Variants in DOCK1 observed in about 807,000 individuals in gnomAD.
DOCK1 encodes dedicator of cytokinesis 1, also known as dedicator of cytokinesis protein 1.
Under a neutral mutation model 262.7 loss-of-function variants are expected in DOCK1, and 138 were observed. The observed-to-expected ratio is 0.53, with a 90% CI of 0.46 to 0.61. DOCK1 has a LOEUF of 0.61. DOCK1 is among the 20% of genes least tolerant of loss of function. The probability of loss-of-function intolerance (pLI) is 0.00; values close to 1 mark genes in which losing one functional copy is unlikely to be tolerated. For synonymous variants in DOCK1, 866 were observed against 867.4 expected (o/e 1.00, Z 0.03); for missense variants, 1,908 against 2,370.7 (o/e 0.80, Z 4.05).
chr10:126,919,291 T>C (rs2032925289), intron 1 of DOCK1, among the ~76,000 whole-genome samples: 1 of 152,244 alleles, frequency 6.6e-6, no homozygotes, highest in Non-Finnish European at 1.5e-5. Context: ...TTCTTTAACA[T>C]AATTGACTTC....
At chr10:127,358,463 C>G (rs756326819) in intron 32 of DOCK1, among the ~76,000 whole-genome samples, 1 of 152,194 alleles carries the variant, frequency 6.6e-6, no homozygotes, top group African/African-American at 2.4e-5. Flanking sequence ...TCAAAGCGCA[C>G]TCTGTGCAGC....
chr10:127,432,328 C>A (rs1372445697), intron 47 of DOCK1, among the ~76,000 whole-genome samples: 1 of 151,846 alleles, frequency 6.6e-6, no homozygotes, highest in African/African-American at 2.4e-5. Flanking sequence ...TTATATTAAT[C>A]TTACCTGTAA....
chr10:127,048,367 G>T (rs566728444), intron 21 of DOCK1, among the ~76,000 whole-genome samples: 2 of 151,816 alleles, frequency 1.3e-5, no homozygotes, highest in East Asian at 3.9e-4. Flanking sequence ...GATGTTTATG[G>T]TATGTGTGTG....
At chr10:127,219,136 G>A (rs2058327809) in intron 27 of DOCK1, among the ~76,000 whole-genome samples, 1 of 152,090 alleles carries the variant, frequency 6.6e-6, no homozygotes, top group Non-Finnish European at 1.5e-5. Context: ...TAAGTAGTGG[G>A]GACTGCAGAT....
At chr10:127,342,645 T>A (rs1415070816) in intron 30 of DOCK1, among the ~76,000 whole-genome samples, 1 of 152,220 alleles carries the variant, frequency 6.6e-6, no homozygotes, top group African/African-American at 2.4e-5. Context: ...AGAGTCAATA[T>A]AATGTTCACA....
chr10:127,116,637 G>C, intron 25 of DOCK1, among the ~76,000 whole-genome samples: 1 of 151,992 alleles, frequency 6.6e-6, no homozygotes, highest in East Asian at 1.9e-4. Context: ...TTTGATAAAA[G>C]CATTTTTGAT....
At chr10:127,157,730 G>A (rs11016521) in intron 27 of DOCK1, among the ~76,000 whole-genome samples, 516 of 152,298 alleles carry the variant, frequency 3.4e-3, no homozygotes, top group African/African-American at 7.5e-3. Context: ...TTTCTCCCAT[G>A]TGTGAGAATT....
chr10:127,220,835 T>C lies in DOCK1; in HGVS notation c.2848-27173T>C, dbSNP rs2058406660. Among the ~76,000 whole-genome samples, 9 of 152,176 alleles carry C rather than the reference T, an allele frequency of 5.9e-5. No individual in the cohort carries two copies. The South Asian group carries it at 1.9e-3, about 32-fold the overall frequency. ...GTTGTTCTCTTTTGAATACTCTGCT[T>C]ATAGATTTATTTCCTAAACAAGTGC... On this transcript the variant is annotated intron_variant, in intron 27 of 51. Transcript: ENST00000623213.
intron 29 of DOCK1, among the ~76,000 whole-genome samples, chr10:127,331,784 C>A (rs1459603346): frequency 1.3e-5 from 2 of 152,106 alleles, no homozygotes; most frequent in Non-Finnish European, 2.9e-5. Flanking sequence ...CTCAAGTGTC[C>A]ATCAACAGAT....
chr10:127,313,827 C>T (rs1001322267), intron 29 of DOCK1, among the ~76,000 whole-genome samples: 2 of 152,156 alleles, frequency 1.3e-5, no homozygotes, highest in Non-Finnish European at 2.9e-5. Flanking sequence ...TACAGCCCCT[C>T]GAGGGGACTC....
chr10:127,444,044 A>T (rs536656677), intron 49 of DOCK1, 82 bp from the exon 50 acceptor site: 1 of 1,517,110 alleles, frequency 6.6e-7, no homozygotes, highest in African/African-American at 1.4e-5. Context: ...GGGGGTCAGG[A>T]CTTCAACATA....
At chr10:127,052,018 A>G in intron 21 of DOCK1, among the ~76,000 whole-genome samples, 1 of 152,236 alleles carries the variant, frequency 6.6e-6, no homozygotes, top group Non-Finnish European at 1.5e-5. Context: ...CTTCGATTTT[A>G]TTGTTTAACC....
intron 27 of DOCK1, among the ~76,000 whole-genome samples, chr10:127,238,123 GA>G (rs2059137276): frequency 6.6e-6 from 1 of 152,168 alleles, no homozygotes; most frequent in Admixed American, 6.5e-5. Flanking sequence ...TGATGCCTAT[GA>G]AAATGAACAA....
At chr10:127,184,320 C>CG (rs1053778037) in intron 27 of DOCK1, among the ~76,000 whole-genome samples, 2 of 151,018 alleles carry the variant, frequency 1.3e-5, no homozygotes, top group African/African-American at 4.9e-5. Flanking sequence ...CATTCCCCCC[C>CG]CAGTCTAATC....
intron 1 of DOCK1, among the ~76,000 whole-genome samples, chr10:126,951,146 TTGG>T (rs1437506030): frequency 3.0e-4 from 45 of 151,640 alleles, no homozygotes; most frequent in African/African-American, 7.5e-4. Flanking sequence ...AGCATGGTTG[TTGG>T]TGGTAGTATT....
rs143671561 is a variant in DOCK1 at position 127,175,338 on chromosome 10, G to A, written c.2847+47574G>A. ...TTGTGCTTTGAGGTCGACCACTTCCGTATGAGGCACGATTCGTTGGCATTC... is the reference window on the plus strand; with the variant it reads ...TTGTGCTTTGAGGTCGACCACTTCCATATGAGGCACGATTCGTTGGCATTC... On this transcript the variant is annotated intron_variant, in intron 27 of 51. Transcript: ENST00000623213. This position sits in a 1 kb window ranked among gnomAD's most constrained non-coding sequence, Gnocchi z 6.3. 47 of 1,614,106 alleles carry A rather than the reference G, an allele frequency of 2.9e-5. No individual in the cohort carries two copies. The highest frequency in any genetic ancestry group is 6.7e-5 in the East Asian group (3 of 44,866).
intron 30 of DOCK1, among the ~76,000 whole-genome samples, chr10:127,342,055 T>TTTG (rs1349592473): frequency 6.6e-6 from 1 of 152,006 alleles, no homozygotes; most frequent in Non-Finnish European, 1.5e-5. Context: ...GCATTCGTGT[T>TTTG]TTGTTGTTGT....
At chr10:127,004,780 G>A (rs111383137) in intron 10 of DOCK1, among the ~76,000 whole-genome samples, 3 of 51,262 alleles carry the variant, frequency 5.9e-5, no homozygotes, top group African/African-American at 8.0e-5. Flanking sequence ...CCACCCCCCC[G>A]CCCCAAAAAA....
At chr10:126,912,727 GAA>G (rs66679297) in intron 1 of DOCK1, among the ~76,000 whole-genome samples, 12,455 of 126,106 alleles carry the variant, frequency 0.099, 666 homozygotes, top group Middle Eastern at 0.15. Flanking sequence ...CTCCATCTCG[GAA>G]AAAAAAAAAA....
Sources: gnomAD v4.1 joint callset for allele counts (sites outside exome capture counted in the v4.1 genomes callset) on GRCh38, gnomAD v4.1.1 for gene constraint, Gnocchi (gnomAD v3.1) non-coding constraint, MANE v1.5 for transcripts, NCBI Gene and HGNC (gene_info 2026-07-23, HGNC 2026-07-21) for gene names.